The following VTI1A variants were observed in gnomAD, a reference collection of about 807,000 sequenced individuals.
VTI1A encodes vesicle transport through interaction with t-SNAREs 1A, also known as vesicle transport through interaction with t-SNAREs homolog 1A.
In VTI1A, 22 loss-of-function variants were observed where a neutral mutation model predicts 34.9. The observed-to-expected ratio is 0.63, with a 90% CI of 0.45 to 0.90. The LOEUF is 0.90. Ranked by LOEUF, VTI1A falls within the 40% of genes least tolerant of loss-of-function variation. The pLI is 0.00. For synonymous variants in VTI1A, 87 were observed against 97.3 expected (o/e 0.89, Z 0.62); for missense variants, 268 against 275.6 (o/e 0.97, Z 0.20).
chr10:112,527,058 ACT>A (rs1180418966), intron 3 of VTI1A, 27 bp from the exon 4 acceptor site: 1 of 1,607,028 alleles, frequency 6.2e-7, no homozygotes, highest in Non-Finnish European at 8.5e-7. Context: ...CGTTCCTCTC[ACT>A]CTCTCCCTTT....
chr10:112,539,812 A>G (rs1850793790), intron 5 of VTI1A, among the ~76,000 whole-genome samples: 1 of 152,208 alleles, frequency 6.6e-6, no homozygotes, highest in Non-Finnish European at 1.5e-5. Context: ...ACACATATAC[A>G]AATATAAATA....
At chr10:112,531,106 T>TGCGCGCGC (rs1262969523) in intron 4 of VTI1A, among the ~76,000 whole-genome samples, 1 of 47,700 alleles carries the variant, frequency 2.1e-5, no homozygotes, top group African/African-American at 6.5e-5. Flanking sequence ...CACACACACG[T>TGCGCGCGC]GCGCACGTGC....
chr10:112,586,983 A>T (rs1844185210), intron 5 of VTI1A, among the ~76,000 whole-genome samples: 1 of 152,104 alleles, frequency 6.6e-6, no homozygotes, highest in Non-Finnish European at 1.5e-5. Flanking sequence ...AGCACTATTC[A>T]TTTATATATG....
At chr10:112,541,430 C>A (rs1850865416) in intron 5 of VTI1A, among the ~76,000 whole-genome samples, 1 of 152,092 alleles carries the variant, frequency 6.6e-6, no homozygotes, top group Non-Finnish European at 1.5e-5. Context: ...GGCTTAGAAA[C>A]TAAAGAGAGC....
At chr10:112,707,141 T>G (rs188337115) in intron 7 of VTI1A, among the ~76,000 whole-genome samples, 1 of 152,140 alleles carries the variant, frequency 6.6e-6, no homozygotes, top group East Asian at 1.9e-4. Flanking sequence ...CATTGGGGGT[T>G]TTTTGTGGCG....
In VTI1A at chr10:112,773,049, A is replaced by G. The variant is rs138887297; in HGVS notation, c.561-42241A>G. Among the ~76,000 whole-genome samples, 105 of 152,316 alleles carry G rather than the reference A, an allele frequency of 6.9e-4. 2 individuals carry two copies. In the East Asian group the frequency reaches 0.019, roughly 28 times the overall value. On this transcript the variant is annotated intron_variant, in intron 7 of 7. Transcript: ENST00000393077. ...TTACCAATAAGGTCGTGATTTAGTC[A>G]CCATAATTTATATACGTCTCTTACC...
intron 5 of VTI1A, among the ~76,000 whole-genome samples, chr10:112,608,645 C>CTG (rs1180732907): frequency 6.6e-6 from 1 of 152,080 alleles, no homozygotes; most frequent in Non-Finnish European, 1.5e-5. Context: ...AGATAAGCAC[C>CTG]TGTCATTTTC....
chr10:112,829,611 G>A, the VTI1A span, among the ~76,000 whole-genome samples: 1 of 151,872 alleles, frequency 6.6e-6, no homozygotes, highest in African/African-American at 2.4e-5. Context: ...AGAATTAGCG[G>A]GGCATGGTGG....
intron 7 of VTI1A, among the ~76,000 whole-genome samples, chr10:112,702,996 C>T (rs1238348659): frequency 6.6e-6 from 1 of 152,156 alleles, no homozygotes; most frequent in East Asian, 1.9e-4. Flanking sequence ...TTATTTTAAA[C>T]TCAGTAGTGA....
intron 3 of VTI1A, among the ~76,000 whole-genome samples, chr10:112,496,722 A>C (rs1849039071): frequency 6.6e-6 from 1 of 152,188 alleles, no homozygotes; most frequent in Non-Finnish European, 1.5e-5. Flanking sequence ...TGGGCACTGC[A>C]ATTTTTCAGT....
chr10:112,729,797 C>T (rs1246103981), intron 7 of VTI1A, among the ~76,000 whole-genome samples: 1 of 152,170 alleles, frequency 6.6e-6, no homozygotes, highest in African/African-American at 2.4e-5. Context: ...GGCTGGACAC[C>T]CTTGGTGTAA....
chr10:112,624,191 T>C (rs1217002699), intron 5 of VTI1A, among the ~76,000 whole-genome samples: 1 of 152,260 alleles, frequency 6.6e-6, no homozygotes, highest in Non-Finnish European at 1.5e-5. Context: ...TCCCATTTCT[T>C]TCATTTCCTT....
intron 3 of VTI1A, among the ~76,000 whole-genome samples, chr10:112,487,356 T>C (rs1367939016): frequency 1.3e-5 from 2 of 152,158 alleles, no homozygotes; most frequent in African/African-American, 4.8e-5. Context: ...ACTCCTGACC[T>C]CAAATGATCC....
At chr10:112,619,223 G>A (rs1046020054) in intron 5 of VTI1A, among the ~76,000 whole-genome samples, 8 of 152,060 alleles carry the variant, frequency 5.3e-5, no homozygotes, top group Non-Finnish European at 7.4e-5. Flanking sequence ...CCAATCCATT[G>A]CATTTGGAAA....
At chr10:112,647,183 T>A (rs1429319929) in intron 5 of VTI1A, among the ~76,000 whole-genome samples, 2 of 152,206 alleles carry the variant, frequency 1.3e-5, no homozygotes, top group African/African-American at 4.8e-5. Flanking sequence ...TCCATGGGCA[T>A]GTGTAAACGG....
Position 112,802,772 on chromosome 10 carries a change from C to T in VTI1A, c.561-12518C>T, listed in dbSNP as rs111597167. Among the ~76,000 whole-genome samples the T allele has an allele frequency of 6.8e-3, 1,038 of 152,198 alleles. 5 individuals carry two copies. Among genetic ancestry groups the T allele is most frequent in the Non-Finnish European group, 0.011 (777 of 68,006 alleles). On this transcript the variant is annotated intron_variant, in intron 7 of 7. Coordinates refer to ENST00000393077, the MANE Select transcript of VTI1A (RefSeq NM_145206.4). The stretch of plus-strand genomic sequence containing the variant: ...TTGGAAGATTGTCCACTATTTATTT[C>T]GCCAAGTAAGAGAAAGTAATTTCCA...
At position 112,634,288 on chromosome 10, in the gene VTI1A, A is replaced by C. The variant is rs547561400; in HGVS notation, c.428-33930A>C. 3.4e-4 allele frequency: 52 copies of C among 153,620 alleles called. 1 individual carries two copies. The Admixed American group carries it at 3.4e-3, about 10-fold the overall frequency. The allele number at this position is 153,620 out of a possible 1,614,324, so 9.5% of individuals were successfully genotyped here. A position where few individuals can be genotyped will look rare whatever the true frequency, so the allele number is the denominator to read the frequency against. On this transcript the variant is annotated intron_variant, in intron 5 of 7. Transcript: ENST00000393077. ...GTGACTCATCTCTTTTGAGATCCTG[A>C]TTGTCCATTTTTTGGTTGGTGTTCT...
intron 3 of VTI1A, 85 bp from the exon 4 acceptor site, chr10:112,527,002 A>G: frequency 1.5e-6 from 2 of 1,361,608 alleles, no homozygotes; most frequent in Non-Finnish European, 2.0e-6. Flanking sequence ...TCGAGGTTTG[A>G]GATCAGCCTT....
chr10:112,717,960 C>T (rs1849667907), intron 7 of VTI1A, among the ~76,000 whole-genome samples: 1 of 152,144 alleles, frequency 6.6e-6, no homozygotes, highest in African/African-American at 2.4e-5. Flanking sequence ...ACGGTGTCGC[C>T]CACAACCTTC....
Sources: allele counts gnomAD v4.1 joint callset (sites outside exome capture counted in the v4.1 genomes callset), GRCh38; gene constraint gnomAD v4.1.1; transcripts MANE v1.5; gene names NCBI Gene and HGNC (gene_info 2026-07-23, HGNC 2026-07-21).